The following MYO16 variants were observed in gnomAD, a reference collection of about 807,000 sequenced individuals.
MYO16 encodes the protein unconventional myosin-XVI.
MYO16 carries 94 observed loss-of-function variants against 205.3 expected under a neutral mutation model. That is an observed-to-expected ratio of 0.46 (90% CI 0.39 to 0.54). The LOEUF (loss-of-function observed/expected upper bound fraction) is 0.54, where lower values mean the gene tolerates loss of function less well. Among genes scored for constraint, MYO16 ranks in the 20% least tolerant of loss-of-function variants. The probability of loss-of-function intolerance (pLI) is 0.00; values close to 1 mark genes in which losing one functional copy is unlikely to be tolerated. For missense variants in MYO16, 2,315 were observed against 2,387.5 expected, an observed-to-expected ratio of 0.97 and a Z score of 0.63; for synonymous variants, 988 against 954.0, an observed-to-expected ratio of 1.04 and a Z score of -0.66.
In MYO16 at chr13:108,666,001, G is replaced by C; in HGVS notation, c.144G>C (p.Glu48Asp). Residue 48 changes from glutamate to aspartate, a missense_variant, in exon 2 of 35, where the codon GAG becomes GAC. This residue lies in a region of MYO16 where 1,213 missense variants were observed against 1,274.4 expected (regional missense o/e 0.95). Coordinates refer to ENST00000457511, the MANE Select transcript of MYO16 (RefSeq NM_001198950.3). ...RQRLVKRMRCEQIKAYYEREK... is the reference protein window; with the variant it reads ...RQRLVKRMRCDQIKAYYEREK... Reference sequence around the variant, plus strand: ...GTCTAGTGAAGCGCATGCGCTGTGAGCAAATCAAAGCCTACTATGAGCGCG... The same window carrying C: ...GTCTAGTGAAGCGCATGCGCTGTGACCAAATCAAAGCCTACTATGAGCGCG... 6.2e-7 allele frequency: 1 copy of C among 1,614,140 alleles called. No homozygotes were observed. Among genetic ancestry groups the C allele is most frequent in the Non-Finnish European group, 8.5e-7 (1 of 1,179,996 alleles).
intron 2 of MYO16, among the ~76,000 whole-genome samples, chr13:108,668,059 T>C (rs1354897922): frequency 1.3e-5 from 2 of 152,176 alleles, no homozygotes; most frequent in Non-Finnish European, 2.9e-5. Flanking sequence ...TTTTAATGTA[T>C]TGGAAATGTT....
At chr13:108,652,553 G>A (rs959192420) in intron 1 of MYO16, among the ~76,000 whole-genome samples, 20 of 152,100 alleles carry the variant, frequency 1.3e-4, no homozygotes, top group Admixed American at 1.2e-3. Flanking sequence ...CCCATTCAAC[G>A]TCAACTCTCA....
In MYO16 at chr13:109,055,240, T is replaced by C. The variant is rs1887375694; in HGVS notation, c.3129+114T>C. ...AACTTAAATATCTTCACAAAAAAAG[T>C]AAACATACACACACACACACACACA... is the stretch of plus-strand genomic sequence containing the variant. On this transcript the variant is annotated intron_variant, in intron 26 of 34. Coordinates refer to ENST00000457511, the MANE Select transcript of MYO16 (RefSeq NM_001198950.3). The surrounding 1 kb of genome is among the most constrained non-coding windows in gnomAD (Gnocchi z 5.0). The C allele has an allele frequency of 2.2e-5, 20 of 918,642 alleles. 1 individual carries two copies. The South Asian group carries it at 3.6e-4, about 16-fold the overall frequency. The allele number at this position is 918,642 out of a possible 1,614,324, so 56.9% of individuals were successfully genotyped here.
intron 4 of MYO16, among the ~76,000 whole-genome samples, chr13:108,743,628 C>T (rs1884975207): frequency 6.6e-6 from 1 of 152,132 alleles, no homozygotes; most frequent in Admixed American, 6.5e-5. Flanking sequence ...TTTTCTTAAT[C>T]CTTGGCCTTT....
the MYO16 span, among the ~76,000 whole-genome samples, chr13:108,506,323 T>C: frequency 6.6e-6 from 1 of 152,294 alleles, no homozygotes; most frequent in Non-Finnish European, 1.5e-5. Flanking sequence ...ATTTCTGTCT[T>C]CATAAATTTC....
chr13:108,730,138 A>G (rs1422410882), intron 4 of MYO16, among the ~76,000 whole-genome samples: 2 of 152,186 alleles, frequency 1.3e-5, no homozygotes, highest in Non-Finnish European at 2.9e-5. Flanking sequence ...TGGAGTTCCC[A>G]TAATCCCCAC....
chr13:109,156,769 AGCCCACATCTGCCCTCCTGCAC>A (rs1281095755), intron 32 of MYO16, among the ~76,000 whole-genome samples: 19 of 152,106 alleles, frequency 1.2e-4, no homozygotes, highest in East Asian at 1.2e-3. Flanking sequence ...CCCTCCTGCA[AGCCCACATCTGCCCTCCTGCAC>A]GCCCACATCT....
At chr13:108,805,321 G>A (rs1887081495) in intron 6 of MYO16, among the ~76,000 whole-genome samples, 1 of 152,146 alleles carries the variant, frequency 6.6e-6, no homozygotes, top group South Asian at 2.1e-4. Flanking sequence ...TTATTCTAAT[G>A]TAGCTGAGTT....
In MYO16 at chr13:109,207,591, A is replaced by G. The variant is rs1880656852; in HGVS notation, c.*755A>G. On this transcript the variant is annotated 3_prime_UTR_variant, in exon 35 of 35. Coordinates refer to ENST00000457511, the MANE Select transcript of MYO16 (RefSeq NM_001198950.3). ...ATGCCCTGTATTTCTGGATAAGTGG[A>G]TTGTGTACCCTTTAGTTAAATTTCA... 1 of 152,178 alleles carries G rather than the reference A, an allele frequency of 6.6e-6. No individual in the cohort carries two copies. The allele number at this position is 152,178 out of a possible 1,614,324, so 9.4% of individuals were successfully genotyped here. A position where few individuals can be genotyped will look rare whatever the true frequency, so the allele number is the denominator to read the frequency against.
In MYO16 at chr13:109,164,896, T is replaced by A; in HGVS notation, c.5165-5T>A. On this transcript the variant is annotated splice_region_variant and splice_polypyrimidine_tract_variant and intron_variant, in intron 32 of 34. Transcript: ENST00000457511. ...AATAATTATGTTTTCTAAAATTTAT[T>A]TTAGGTTTTGAAACTAACATGAACA... is the stretch of plus-strand genomic sequence containing the variant. 1 of 1,542,556 alleles carries A rather than the reference T, an allele frequency of 6.5e-7. No homozygotes were observed.
intron 32 of MYO16, among the ~76,000 whole-genome samples, chr13:109,159,256 A>G (rs931082450): frequency 6.6e-6 from 1 of 152,232 alleles, no homozygotes; most frequent in Non-Finnish European, 1.5e-5. Flanking sequence ...ATAATTTTAA[A>G]TAAGTAAAGA....
At chr13:108,670,494 A>G (rs1259453615) in intron 2 of MYO16, among the ~76,000 whole-genome samples, 1 of 152,182 alleles carries the variant, frequency 6.6e-6, no homozygotes, top group African/African-American at 2.4e-5. Flanking sequence ...CAATGAAAGA[A>G]CCATGGCCCT....
chr13:108,510,479 T>TTG, the MYO16 span, among the ~76,000 whole-genome samples: 1 of 134,670 alleles, frequency 7.4e-6, no homozygotes, highest in East Asian at 2.3e-4. Flanking sequence ...TTTTTTTTTT[T>TTG]TTTTTTATTG....
intron 2 of MYO16, among the ~76,000 whole-genome samples, chr13:108,682,457 C>T (rs1882501114): frequency 6.9e-6 from 1 of 145,962 alleles, no homozygotes; most frequent in Admixed American, 6.8e-5. Context: ...TTCCCATTCA[C>T]TTGTAGTCAG....
In MYO16 at chr13:108,821,419, A is replaced by G. The variant is rs8000220; in HGVS notation, c.943+1007A>G. Among the ~76,000 whole-genome samples, 616 of 152,342 alleles carry G rather than the reference A, an allele frequency of 4.0e-3. 3 individuals are homozygous for G. Among genetic ancestry groups the G allele is most frequent in the African/African-American group, 0.014 (593 of 41,584 alleles). ...TCACAAACTTGAGAATCAAGCTAAT[A>G]TTACTTATAGTCTAGTAATCTTAAC... On this transcript the variant is annotated intron_variant, in intron 8 of 34. Coordinates refer to ENST00000457511, the MANE Select transcript of MYO16 (RefSeq NM_001198950.3).
At chr13:108,764,827 G>A (rs17482022) in intron 4 of MYO16, among the ~76,000 whole-genome samples, 12,053 of 152,100 alleles carry the variant, frequency 0.079, 614 homozygotes, top group Non-Finnish European at 0.12. Flanking sequence ...AAAATCGTTC[G>A]CTTGCCTAAA....
chr13:108,672,823 G>A (rs937407168), intron 2 of MYO16, among the ~76,000 whole-genome samples: 4 of 152,062 alleles, frequency 2.6e-5, no homozygotes, highest in Non-Finnish European at 5.9e-5. Context: ...CAGAGAGGAA[G>A]TACATAGGGA....
intron 9 of MYO16, among the ~76,000 whole-genome samples, chr13:108,828,317 C>T (rs1237635484): frequency 6.6e-6 from 1 of 152,118 alleles, no homozygotes; most frequent in African/African-American, 2.4e-5. Context: ...CTGAGTGTTC[C>T]TGGTGAGGCC....
At chr13:108,818,414 A>T (rs1457325601) in intron 7 of MYO16, among the ~76,000 whole-genome samples, 1 of 148,130 alleles carries the variant, frequency 6.8e-6, no homozygotes, top group Non-Finnish European at 1.5e-5. Context: ...AAATAAAAAT[A>T]AAAAAGAGAG....
Sources: gnomAD v4.1 joint callset for allele counts (sites outside exome capture counted in the v4.1 genomes callset) on GRCh38, gnomAD v4.1.1 for gene constraint, gnomAD v4.1.1 regional missense constraint, Gnocchi (gnomAD v3.1) non-coding constraint, MANE v1.5 for transcripts, NCBI Gene and HGNC (gene_info 2026-07-23, HGNC 2026-07-21) for gene names.